Variants in IGFL2 observed in about 807,000 individuals in gnomAD.
IGFL2 encodes IGF like family member 2.
IGFL2 carries 7 observed loss-of-function variants against 13.9 expected under a neutral mutation model. The observed-to-expected ratio is 0.51, with a 90% CI of 0.29 to 0.95. The LOEUF is 0.95. Ranked by LOEUF, IGFL2 falls within the 40% of genes least tolerant of loss-of-function variation. The pLI is 0.08. For synonymous variants in IGFL2, 55 were observed against 55.8 expected (o/e 0.99, Z 0.07); for missense variants, 138 against 147.8 (o/e 0.93, Z 0.34).
At chr19:46,160,945 A>T (rs1974136067) in intron 3 of IGFL2, 64 bp downstream of exon 3, 1 of 1,586,916 alleles carries the variant, frequency 6.3e-7, no homozygotes, top group Admixed American at 1.7e-5. Context: ...AGGGGAGTCT[A>T]GATGTCTTCA....
chr19:46,173,111 G>A, the IGFL2 span, among the ~76,000 whole-genome samples: 31 of 152,326 alleles, frequency 2.0e-4, no homozygotes, highest in East Asian at 6.0e-3. Context: ...ACATTAGGTG[G>A]AAAATAGTAT....
the IGFL2 span, chr19:46,124,648 A>T: frequency 2.5e-6 from 4 of 1,608,814 alleles, no homozygotes; most frequent in African/African-American, 5.4e-5. Flanking sequence ...TCGTGGCCTC[A>T]TGCTTCCAAA....
At chr19:46,175,524 T>G in the IGFL2 span, among the ~76,000 whole-genome samples, 4 of 152,028 alleles carry the variant, frequency 2.6e-5, no homozygotes, top group Non-Finnish European at 5.9e-5. Context: ...AAAAAATGAA[T>G]AAGATAAGTA....
chr19:46,179,770 G>C, the IGFL2 span, among the ~76,000 whole-genome samples: 1 of 152,062 alleles, frequency 6.6e-6, no homozygotes, highest in South Asian at 2.1e-4. Context: ...ACAAAAATTA[G>C]CCGGGAGTGT....
chr19:46,098,732 G>A, the IGFL2 span, among the ~76,000 whole-genome samples: 1 of 152,056 alleles, frequency 6.6e-6, no homozygotes. Flanking sequence ...ACCCGCCTCG[G>A]CCTCCCAAAG....
At chr19:46,175,934 C>T in the IGFL2 span, among the ~76,000 whole-genome samples, 1 of 151,182 alleles carries the variant, frequency 6.6e-6, no homozygotes. Flanking sequence ...CCTCCACCTC[C>T]CTGGTTCAAG....
chr19:46,140,484 C>T (rs1345313023), upstream of IGFL2, among the ~76,000 whole-genome samples: 8 of 152,086 alleles, frequency 5.3e-5, no homozygotes, highest in Non-Finnish European at 1.0e-4. Context: ...TCAAGTCTAA[C>T]GTAGGCAACA....
At chr19:46,137,268 G>C in the IGFL2 span, 2 of 1,288,800 alleles carry the variant, frequency 1.6e-6, no homozygotes, top group Non-Finnish European at 1.1e-6. Context: ...TCCTTTCTCA[G>C]CATGTCAGGA....
chr19:46,145,638 T>TGTGTG (rs1568421144), upstream of IGFL2, among the ~76,000 whole-genome samples: 16 of 112,938 alleles, frequency 1.4e-4, no homozygotes, highest in African/African-American at 6.4e-4. Context: ...GTGTGTGTAT[T>TGTGTG]TATTTATTTA....
the IGFL2 span, among the ~76,000 whole-genome samples, chr19:46,099,451 T>C: frequency 2.0e-5 from 3 of 152,052 alleles, no homozygotes; most frequent in African/African-American, 4.8e-5. Context: ...ATCTCTTTCA[T>C]GTACTCCTAT....
At chr19:46,155,563 G>T (rs1163508099) in intron 1 of IGFL2, among the ~76,000 whole-genome samples, 2 of 152,162 alleles carry the variant, frequency 1.3e-5, no homozygotes, top group African/African-American at 4.8e-5. Flanking sequence ...TCAGTTAAAT[G>T]GTTGTTTTGC....
intron 1 of IGFL2, among the ~76,000 whole-genome samples, chr19:46,158,545 A>G (rs1310489369): frequency 1.4e-5 from 1 of 69,898 alleles, no homozygotes; most frequent in Non-Finnish European, 2.9e-5. Flanking sequence ...GCAAGATTTT[A>G]TTTTTGGGGG....
At chr19:46,108,620 ACTTGCCACCCAGGGGAGGTGGTG>A in the IGFL2 span, among the ~76,000 whole-genome samples, 6 of 151,950 alleles carry the variant, frequency 3.9e-5, no homozygotes, top group Admixed American at 6.6e-5. Flanking sequence ...AGGGAGTGGT[ACTTGCCACCCAGGGGAGGTGGTG>A]CTTGCCACCC....
chr19:46,184,350 A>G, the IGFL2 span, among the ~76,000 whole-genome samples: 11 of 151,934 alleles, frequency 7.2e-5, no homozygotes, highest in East Asian at 2.1e-3. Flanking sequence ...TACATGTGCC[A>G]TGGTGGTTTC....
chr19:46,184,747 T>C, the IGFL2 span, among the ~76,000 whole-genome samples: 606 of 152,350 alleles, frequency 4.0e-3, 3 homozygotes, highest in African/African-American at 0.012. Flanking sequence ...AGTAGAATGA[T>C]TTATAATCCT....
the IGFL2 span, chr19:46,113,510 T>C: frequency 2.9e-6 from 1 of 350,310 alleles, no homozygotes; most frequent in South Asian, 2.4e-5. Context: ...AAATCCAAGA[T>C]TTATCTTTAA....
chr19:46,145,808 G>C (rs1973107734), upstream of IGFL2, among the ~76,000 whole-genome samples: 1 of 152,008 alleles, frequency 6.6e-6, no homozygotes, highest in Non-Finnish European at 1.5e-5. Context: ...CATCTGTTCA[G>C]ATATTTTGCC....
At chr19:46,100,186 G>A in the IGFL2 span, among the ~76,000 whole-genome samples, 2 of 152,150 alleles carry the variant, frequency 1.3e-5, no homozygotes, top group African/African-American at 4.8e-5. Context: ...TCATTTGGAG[G>A]AGGAGAGGCA....
the IGFL2 span, among the ~76,000 whole-genome samples, chr19:46,167,471 C>T: frequency 2.6e-5 from 4 of 152,196 alleles, no homozygotes; most frequent in Non-Finnish European, 5.9e-5. Flanking sequence ...CAGACCCCTA[C>T]AATGGGGCTA....
Sources: allele counts gnomAD v4.1 joint callset (sites outside exome capture counted in the v4.1 genomes callset), GRCh38; gene constraint gnomAD v4.1.1; transcripts MANE v1.5; gene names NCBI Gene and HGNC (gene_info 2026-07-23, HGNC 2026-07-21).